The following ASB7 variants were observed in gnomAD, a reference collection of about 807,000 sequenced individuals.
The protein encoded by ASB7 is ankyrin repeat and SOCS box containing 7.
Under a neutral mutation model 32.5 loss-of-function variants are expected in ASB7, and 4 were observed. That is an observed-to-expected ratio of 0.12 (90% confidence interval 0.06 to 0.28). The LOEUF (loss-of-function observed/expected upper bound fraction) is 0.28, where lower values mean the gene tolerates loss of function less well. Among genes scored for constraint, ASB7 ranks in the 10% least tolerant of loss-of-function variants. The pLI is 1.00. For synonymous variants in ASB7, 172 were observed against 155.6 expected, an observed-to-expected ratio of 1.11 and a Z score of -0.78; for missense variants, 181 against 407.1, an observed-to-expected ratio of 0.44 and a Z score of 4.78.
chr15:100,637,308 C>T (rs575913111), intron 5 of ASB7, among the ~76,000 whole-genome samples: 14 of 152,316 alleles, frequency 9.2e-5, no homozygotes, highest in African/African-American at 2.4e-4. Context: ...GTAAAATTCA[C>T]GTGTCACTTT....
chr15:100,612,492 G>A (rs1333577046), intron 4 of ASB7, 65 bp downstream of exon 4: 5 of 1,408,962 alleles, frequency 3.5e-6, no homozygotes, highest in South Asian at 2.3e-5. Context: ...AGTTTAAAAT[G>A]TGTCTATTTG....
chr15:100,630,145 C>T, intron 5 of ASB7, 103 bp downstream of exon 5: 1 of 1,397,370 alleles, frequency 7.2e-7, no homozygotes, highest in Non-Finnish European at 9.3e-7. Flanking sequence ...ATTAATCATT[C>T]CTATAACCAC....
At chr15:100,610,770 A>G (rs1001866507) in intron 3 of ASB7, among the ~76,000 whole-genome samples, 6 of 152,214 alleles carry the variant, frequency 3.9e-5, no homozygotes, top group Non-Finnish European at 5.9e-5. Flanking sequence ...TGATATGTCT[A>G]ACCTACATAT....
At chr15:100,643,048 A>AAAC (rs2039972141) in intron 5 of ASB7, among the ~76,000 whole-genome samples, 1 of 152,066 alleles carries the variant, frequency 6.6e-6, no homozygotes, top group African/African-American at 2.4e-5. Flanking sequence ...AAACAAAACA[A>AAAC]AACAACAACA....
intron 2 of ASB7, among the ~76,000 whole-genome samples, chr15:100,605,575 C>T (rs2039637327): frequency 6.6e-6 from 1 of 152,198 alleles, no homozygotes; most frequent in Admixed American, 6.5e-5. Flanking sequence ...TAGAGATACA[C>T]ACCATCCCTA....
intron 4 of ASB7, among the ~76,000 whole-genome samples, chr15:100,624,310 G>A (rs1448024993): frequency 1.3e-5 from 2 of 152,214 alleles, no homozygotes; most frequent in African/African-American, 2.4e-5. Flanking sequence ...GACTTGAAAT[G>A]TTCTCAGCTC....
intron 4 of ASB7, among the ~76,000 whole-genome samples, chr15:100,614,250 G>A (rs1417476817): frequency 1.3e-5 from 2 of 150,360 alleles, no homozygotes; most frequent in Admixed American, 1.3e-4. Context: ...CTCCTGCCTG[G>A]GCGAAATTGT....
intron 3 of ASB7, among the ~76,000 whole-genome samples, chr15:100,610,423 A>C (rs3933897): frequency 0.35 from 52,687 of 151,462 alleles, 9,659 homozygotes; most frequent in East Asian, 0.63. Flanking sequence ...TGAACCCGGG[A>C]GGTGGAGGTT....
intron 2 of ASB7, among the ~76,000 whole-genome samples, chr15:100,608,125 G>A (rs2039663206): frequency 1.3e-5 from 2 of 152,186 alleles, no homozygotes; most frequent in African/African-American, 4.8e-5. Context: ...CTCTTGAAAT[G>A]TAGATGTAGC....
At chr15:100,633,672 G>A (rs1389878156) in intron 5 of ASB7, among the ~76,000 whole-genome samples, 2 of 148,692 alleles carry the variant, frequency 1.3e-5, no homozygotes, top group South Asian at 4.2e-4. Context: ...AAGGAAGGAG[G>A]AAGGAAGGAA....
At chr15:100,645,977 G>T (rs372661603) in intron 5 of ASB7, 3 of 513,100 alleles carry the variant, frequency 5.8e-6, no homozygotes, top group African/African-American at 5.8e-5. Flanking sequence ...TTCTTTCTTG[G>T]TCAGTTTGTG....
In ASB7 at chr15:100,631,383, C is replaced by G. The variant is rs115649032; in HGVS notation, c.817+1341C>G. Among the ~76,000 whole-genome samples, 1,025 of 152,286 alleles carry G rather than the reference C, an allele frequency of 6.7e-3. 17 individuals carry two copies. The highest frequency in any genetic ancestry group is 0.024 in the African/African-American group (979 of 41,570). Reference sequence around the variant, plus strand: ...TCCTTTGTTGGTCCACACAGATCTGCCTGCCTTGGGAGAGGTATCTGGGGC... The same window carrying G: ...TCCTTTGTTGGTCCACACAGATCTGGCTGCCTTGGGAGAGGTATCTGGGGC... On this transcript the variant is annotated intron_variant, in intron 5 of 5. Coordinates refer to ENST00000332783, the MANE Select transcript of ASB7 (RefSeq NM_198243.3).
chr15:100,618,526 A>G (rs1411688405), intron 4 of ASB7, among the ~76,000 whole-genome samples: 7 of 152,186 alleles, frequency 4.6e-5, no homozygotes, highest in Admixed American at 2.0e-4. Flanking sequence ...AAAGATCCCA[A>G]TAGGGAACAG....
rs574940301 is a variant in ASB7 at position 100,621,340 on chromosome 15, G to A, written c.212-8097G>A. ...ATGTCATGATGTAGTTTTAAAAAAA[G>A]CCTACCTTTCATTGTATATAATTTT... is the stretch of plus-strand genomic sequence containing the variant. On this transcript the variant is annotated intron_variant, in intron 4 of 5. Coordinates refer to ENST00000332783, the MANE Select transcript of ASB7 (RefSeq NM_198243.3). Among the ~76,000 whole-genome samples the A allele has an allele frequency of 2.6e-5, 4 of 152,200 alleles. No homozygotes were observed. In the East Asian group the frequency reaches 5.8e-4, roughly 22 times the overall value.
At chr15:100,606,944 A>G (rs556760562) in intron 2 of ASB7, among the ~76,000 whole-genome samples, 4 of 152,214 alleles carry the variant, frequency 2.6e-5, no homozygotes, top group Non-Finnish European at 4.4e-5. Flanking sequence ...CACAAGGTCA[A>G]GAGATCGAGA....
intron 3 of ASB7, among the ~76,000 whole-genome samples, chr15:100,610,468 C>G (rs888991752): frequency 4.0e-5 from 6 of 148,194 alleles, no homozygotes; most frequent in African/African-American, 1.2e-4. Flanking sequence ...GCACTCCAAC[C>G]TGGGTGACAG....
chr15:100,624,965 G>GA (rs2039825525), intron 4 of ASB7, among the ~76,000 whole-genome samples: 1 of 152,126 alleles, frequency 6.6e-6, no homozygotes, highest in African/African-American at 2.4e-5. Flanking sequence ...TTTAACATCT[G>GA]AAAATCAATA....
At chr15:100,627,611 AAG>A (rs1207535843) in intron 4 of ASB7, among the ~76,000 whole-genome samples, 4 of 152,234 alleles carry the variant, frequency 2.6e-5, no homozygotes, top group African/African-American at 9.6e-5. Flanking sequence ...TAGAACCTGA[AAG>A]AGACCTGAAA....
chr15:100,605,297 A>AT (rs2039633965), intron 2 of ASB7, among the ~76,000 whole-genome samples: 1 of 152,210 alleles, frequency 6.6e-6, no homozygotes, highest in African/African-American at 2.4e-5. Context: ...GGTAGCTTAC[A>AT]TTTTTTAACC....
Sources: allele counts gnomAD v4.1 joint callset (sites outside exome capture counted in the v4.1 genomes callset), GRCh38; gene constraint gnomAD v4.1.1; transcripts MANE v1.5; gene names NCBI Gene and HGNC (gene_info 2026-07-23, HGNC 2026-07-21).